Variants in SMYD3 observed in about 807,000 individuals in gnomAD.
SMYD3 encodes the protein histone-lysine N-methyltransferase SMYD3.
A neutral mutation model predicts 57.7 loss-of-function variants in SMYD3; 36 were observed. The ratio of observed to expected loss-of-function variants is 0.62; its 90% CI spans 0.48 to 0.82. The LOEUF (loss-of-function observed/expected upper bound fraction) is 0.82, where lower values mean the gene tolerates loss of function less well. Ranked by LOEUF, SMYD3 falls within the 40% of genes least tolerant of loss-of-function variation. The pLI is 0.00. For missense variants in SMYD3, 515 were observed against 538.8 expected, an observed-to-expected ratio of 0.96 and a Z score of 0.44; for synonymous variants, 211 against 195.0, an observed-to-expected ratio of 1.08 and a Z score of -0.68.
At chr1:246,086,969 C>T (rs1457680938) in intron 5 of SMYD3, among the ~76,000 whole-genome samples, 1 of 152,152 alleles carries the variant, frequency 6.6e-6, no homozygotes, top group Non-Finnish European at 1.5e-5. Flanking sequence ...TGAGTGAGAA[C>T]ATGCGGTGTT....
intron 1 of SMYD3, among the ~76,000 whole-genome samples, chr1:246,432,538 T>A (rs565096451): frequency 1.3e-5 from 2 of 152,338 alleles, no homozygotes; most frequent in South Asian, 4.1e-4. Flanking sequence ...CAGGAGATTC[T>A]CTTTAATGAG....
At chr1:245,966,832 T>C (rs188311019) in intron 5 of SMYD3, among the ~76,000 whole-genome samples, 2 of 152,300 alleles carry the variant, frequency 1.3e-5, no homozygotes, top group Non-Finnish European at 1.5e-5. Flanking sequence ...GAGGATCTGA[T>C]GCAGTCTTTC....
chr1:246,490,193 T>C (rs1431228495), intron 1 of SMYD3, among the ~76,000 whole-genome samples: 1 of 152,154 alleles, frequency 6.6e-6, no homozygotes, highest in African/African-American at 2.4e-5. Context: ...CGCTGTGACA[T>C]ACTATTTCTG....
intron 5 of SMYD3, among the ~76,000 whole-genome samples, chr1:246,029,879 A>G (rs1043351353): frequency 6.6e-6 from 1 of 152,002 alleles, no homozygotes; most frequent in Non-Finnish European, 1.5e-5. Context: ...GGGAACTCAC[A>G]CACTGTTGGT....
chr1:245,968,225 T>TC (rs967182768), intron 5 of SMYD3, among the ~76,000 whole-genome samples: 3 of 113,964 alleles, frequency 2.6e-5, no homozygotes, highest in African/African-American at 1.0e-4. Flanking sequence ...ATGGCCCCCC[T>TC]CTGCTCACCA....
Position 246,055,216 on chromosome 1 carries a change from A to T in SMYD3, c.532-125279T>A, listed in dbSNP as rs1013940517. ...AAAAAACAAATGTTGGCAAGGATGT[A>T]GAGAAACTGGAAGCCTTGTGCGTTA... On this transcript the variant is annotated intron_variant, in intron 5 of 11. Transcript: ENST00000490107. Among the ~76,000 whole-genome samples the T allele has an allele frequency of 2.6e-5, 4 of 152,014 alleles. No homozygotes were observed. The South Asian group carries it at 8.3e-4, about 32-fold the overall frequency.
At chr1:246,167,735 T>C (rs2062245121) in intron 5 of SMYD3, among the ~76,000 whole-genome samples, 1 of 152,126 alleles carries the variant, frequency 6.6e-6, no homozygotes, top group South Asian at 2.1e-4. Flanking sequence ...GGTCTCAAAC[T>C]CCTGACCTCA....
At chr1:246,416,730 C>T (rs1390030566) in intron 1 of SMYD3, among the ~76,000 whole-genome samples, 1 of 151,684 alleles carries the variant, frequency 6.6e-6, no homozygotes. Context: ...ATATGCTGGG[C>T]ACTTCCGAAT....
chr1:246,169,381 C>CAAAAAAAAA (rs55719556), intron 5 of SMYD3, among the ~76,000 whole-genome samples: 10 of 61,886 alleles, frequency 1.6e-4, no homozygotes, highest in African/African-American at 2.6e-4. Flanking sequence ...GACTTTCTTT[C>CAAAAAAAAA]AAAAAAAAAA....
chr1:246,392,279 CAGAGGAATT>C (rs1330133388), intron 1 of SMYD3, among the ~76,000 whole-genome samples: 3 of 152,024 alleles, frequency 2.0e-5, no homozygotes, highest in Non-Finnish European at 2.9e-5. Context: ...CAACTCATAT[CAGAGGAATT>C]AAAATAGAAT....
At chr1:246,217,136 A>T (rs79943440) in intron 5 of SMYD3, among the ~76,000 whole-genome samples, 3,711 of 152,192 alleles carry the variant, frequency 0.024, 164 homozygotes, top group African/African-American at 0.084. Flanking sequence ...GCCTAAATTT[A>T]TATTATCTTT....
chr1:245,825,673 C>A (rs1273580234), intron 10 of SMYD3, among the ~76,000 whole-genome samples: 1 of 152,052 alleles, frequency 6.6e-6, no homozygotes, highest in Non-Finnish European at 1.5e-5. Context: ...GTCTGGAAGC[C>A]CCTGTGAGAG....
At chr1:246,130,068 T>C (rs77018393) in intron 5 of SMYD3, among the ~76,000 whole-genome samples, 3,250 of 152,264 alleles carry the variant, frequency 0.021, 153 homozygotes, top group East Asian at 0.16. Flanking sequence ...TTGGAAAGAA[T>C]ATCCTCAGAA....
chr1:246,344,064 T>C (rs2065672517), intron 2 of SMYD3, among the ~76,000 whole-genome samples: 1 of 152,152 alleles, frequency 6.6e-6, no homozygotes, highest in African/African-American at 2.4e-5. Context: ...TTTTTGTTTT[T>C]TTGAGATGGG....
intron 5 of SMYD3, among the ~76,000 whole-genome samples, chr1:245,950,525 C>A (rs570966210): frequency 1.3e-5 from 2 of 152,214 alleles, no homozygotes; most frequent in Admixed American, 6.5e-5. Flanking sequence ...TCAGTCACTA[C>A]ACAGATTGGC....
At chr1:246,384,690 C>A (rs1040008150) in intron 1 of SMYD3, among the ~76,000 whole-genome samples, 2 of 152,108 alleles carry the variant, frequency 1.3e-5, no homozygotes, top group African/African-American at 4.8e-5. Context: ...AGCCACTGCA[C>A]CTGGTCTAAA....
chr1:245,880,295 G>A (rs879652139), intron 8 of SMYD3, among the ~76,000 whole-genome samples: 1 of 152,216 alleles, frequency 6.6e-6, no homozygotes, highest in Non-Finnish European at 1.5e-5. Flanking sequence ...ACCAGGATTT[G>A]TTAATATCTT....
Position 246,443,940 on chromosome 1 carries a change from G to A in SMYD3, c.164+63114C>T, listed in dbSNP as rs557609398. ...TCATTTCAAATAAAAGTGCTAATCT[G>A]CCTTCCCTATAAACCCTCCCTCACC... On this transcript the variant is annotated intron_variant, in intron 1 of 11. Coordinates refer to ENST00000490107, the MANE Select transcript of SMYD3 (RefSeq NM_001167740.2). Among the ~76,000 whole-genome samples the A allele has an allele frequency of 9.3e-4, 135 of 144,826 alleles. 1 individual carries two copies. The highest frequency in any genetic ancestry group is 1.8e-3 in the Non-Finnish European group (122 of 67,980).
chr1:246,269,300 C>T (rs922901798), intron 5 of SMYD3, among the ~76,000 whole-genome samples: 8 of 152,118 alleles, frequency 5.3e-5, no homozygotes, highest in Admixed American at 1.3e-4. Flanking sequence ...CTGAATTGAA[C>T]GGCTTCTAAG....
Sources: allele counts gnomAD v4.1 joint callset (sites outside exome capture counted in the v4.1 genomes callset), GRCh38; gene constraint gnomAD v4.1.1; transcripts MANE v1.5; gene names NCBI Gene and HGNC (gene_info 2026-07-23, HGNC 2026-07-21).